Variants in GPC6 observed in about 807,000 individuals in gnomAD.
GPC6 encodes glypican 6, also known as glypican-6.
GPC6 carries 14 observed loss-of-function variants against 55.2 expected under a neutral mutation model. The ratio of observed to expected loss-of-function variants is 0.25; its 90% confidence interval spans 0.17 to 0.40. The LOEUF is 0.40. GPC6 is among the 10% of genes least tolerant of loss of function. GPC6 has a pLI of 1.00. For synonymous variants in GPC6, 278 were observed against 259.6 expected (o/e 1.07, Z -0.68); for missense variants, 641 against 708.5 (o/e 0.90, Z 1.08).
chr13:93,585,249 G>A (rs1413433712), intron 2 of GPC6, among the ~76,000 whole-genome samples: 1 of 152,020 alleles, frequency 6.6e-6, no homozygotes, highest in African/African-American at 2.4e-5. Context: ...CTCCTTTTAT[G>A]AAAAACAATC....
intron 2 of GPC6, among the ~76,000 whole-genome samples, chr13:93,586,420 A>G (rs1358838640): frequency 6.6e-6 from 1 of 152,144 alleles, no homozygotes; most frequent in East Asian, 1.9e-4. Flanking sequence ...CAATGAACAT[A>G]CACATGTGGA....
intron 2 of GPC6, among the ~76,000 whole-genome samples, chr13:93,545,740 T>G (rs1209826210): frequency 6.6e-6 from 1 of 152,226 alleles, no homozygotes; most frequent in East Asian, 1.9e-4. Flanking sequence ...GCAGCTTGTC[T>G]AGTTTTCATA....
At chr13:93,240,529 C>G (rs1446993914) in intron 1 of GPC6, among the ~76,000 whole-genome samples, 1 of 151,968 alleles carries the variant, frequency 6.6e-6, no homozygotes, top group Non-Finnish European at 1.5e-5. Context: ...CTATAAGAAT[C>G]TTTACAAGTT....
chr13:93,459,350 G>A (rs1369988810), intron 1 of GPC6, among the ~76,000 whole-genome samples: 3 of 152,232 alleles, frequency 2.0e-5, no homozygotes, highest in Admixed American at 6.5e-5. Flanking sequence ...ATAGGCGTGA[G>A]CCAACATGTC....
At chr13:94,110,421 A>G (rs1886203860) in intron 4 of GPC6, among the ~76,000 whole-genome samples, 1 of 152,070 alleles carries the variant, frequency 6.6e-6, no homozygotes, top group Non-Finnish European at 1.5e-5. Context: ...AGTGAAGTAG[A>G]GTAGAGGGTG....
chr13:93,977,603 T>C (rs1212711287), intron 3 of GPC6, among the ~76,000 whole-genome samples: 2 of 151,678 alleles, frequency 1.3e-5, no homozygotes, highest in African/African-American at 4.8e-5. Flanking sequence ...AGAGAGCCAA[T>C]ACATGATATT....
chr13:93,810,638 C>CT (rs1385452728), intron 2 of GPC6, among the ~76,000 whole-genome samples: 1 of 152,142 alleles, frequency 6.6e-6, no homozygotes, highest in Non-Finnish European at 1.5e-5. Context: ...TTAAAGAATT[C>CT]TGATAGATCT....
chr13:94,295,330 C>G (rs563146516), intron 5 of GPC6, among the ~76,000 whole-genome samples: 29 of 152,132 alleles, frequency 1.9e-4, no homozygotes, highest in Non-Finnish European at 2.2e-4. Context: ...AAAGGCTAAG[C>G]ATTTTAATTG....
intron 2 of GPC6, among the ~76,000 whole-genome samples, chr13:93,601,522 C>G (rs1878015954): frequency 6.6e-6 from 1 of 152,168 alleles, no homozygotes; most frequent in Non-Finnish European, 1.5e-5. Flanking sequence ...ACAGGAAAAG[C>G]ATTCAGTTAT....
intron 3 of GPC6, among the ~76,000 whole-genome samples, chr13:93,928,459 C>A (rs1877973634): frequency 6.6e-6 from 1 of 151,920 alleles, no homozygotes. Context: ...ACAATATTGA[C>A]AAAGGTGCAG....
chr13:94,064,795 C>A (rs1043422155), intron 4 of GPC6, among the ~76,000 whole-genome samples: 1 of 152,158 alleles, frequency 6.6e-6, no homozygotes, highest in Non-Finnish European at 1.5e-5. Flanking sequence ...ATCCCTGACA[C>A]AAACCAAATT....
intron 3 of GPC6, among the ~76,000 whole-genome samples, chr13:93,931,202 A>G (rs993428311): frequency 1.3e-5 from 2 of 152,088 alleles, no homozygotes; most frequent in African/African-American, 4.8e-5. Flanking sequence ...ACCATCTATG[A>G]GGTAAAACAT....
chr13:93,577,744 T>C (rs1001449771), intron 2 of GPC6, among the ~76,000 whole-genome samples: 5 of 152,018 alleles, frequency 3.3e-5, no homozygotes, highest in African/African-American at 1.2e-4. Context: ...CTTCCAATCT[T>C]ATGTTAAATA....
rs191750228 is a variant in GPC6, at chr13:94,163,336, A to T, written c.878-123013A>T. Among the ~76,000 whole-genome samples, 780 of 149,104 alleles carry T rather than the reference A, an allele frequency of 5.2e-3. 6 individuals are homozygous for T. The highest frequency in any genetic ancestry group is 0.019 in the African/African-American group (759 of 40,606). On this transcript the variant is annotated intron_variant, in intron 4 of 8. Transcript: ENST00000377047. ...CATCTCCATCCCCCTACTTCCTTCCACCTCCACCTCCCTTGACTCCCTGTA... is the reference window on the plus strand; with the variant it reads ...CATCTCCATCCCCCTACTTCCTTCCTCCTCCACCTCCCTTGACTCCCTGTA...
intron 2 of GPC6, among the ~76,000 whole-genome samples, chr13:93,718,718 C>T (rs985876630): frequency 6.6e-6 from 1 of 152,038 alleles, no homozygotes; most frequent in African/African-American, 2.4e-5. Flanking sequence ...AGGTTTTCTT[C>T]TAGGATTTTT....
At position 93,256,187 on chromosome 13, in the gene GPC6, A is replaced by G. The variant is rs1275714933; in HGVS notation, c.160+28571A>G. 2.6e-5 allele frequency among the ~76,000 whole-genome samples: 4 copies of G among 151,932 alleles called. No homozygotes were observed. The East Asian group carries it at 5.8e-4, about 22-fold the overall frequency. ...TCCATCTCAAAAAAAAAAAAAAAAA[A>G]AAGATCTAATACATGAAACCTAATT... On this transcript the variant is annotated intron_variant, in intron 1 of 8. Transcript: ENST00000377047.
At chr13:94,038,061 A>C (rs1455011244) in intron 4 of GPC6, among the ~76,000 whole-genome samples, 3 of 151,896 alleles carry the variant, frequency 2.0e-5, no homozygotes, top group African/African-American at 7.2e-5. Flanking sequence ...TTAGAAACTA[A>C]ATTTTTTATT....
In GPC6 at chr13:93,227,768, G is replaced by C. The variant is rs1054074605; in HGVS notation, c.160+152G>C. 2 of 646,178 alleles carry C rather than the reference G, an allele frequency of 3.1e-6. No individual in the cohort carries two copies. Among genetic ancestry groups the C allele is most frequent in the Middle Eastern group, 4.2e-4 (1 of 2,364 alleles). 40.0% of individuals were successfully genotyped at this position (646,178 alleles called of 1,614,324 possible). ...ACTCCGCGTCTCCGTGTTGGGCGGCGGATGCTCCTGCGGCTTCTTCGGCGG... is the reference window on the plus strand; with the variant it reads ...ACTCCGCGTCTCCGTGTTGGGCGGCCGATGCTCCTGCGGCTTCTTCGGCGG... On this transcript the variant is annotated intron_variant, in intron 1 of 8. Coordinates refer to ENST00000377047, the MANE Select transcript of GPC6 (RefSeq NM_005708.5). The surrounding 1 kb of genome is among the most constrained non-coding windows in gnomAD (Gnocchi z 4.3).
chr13:93,881,932 T>C lies in GPC6; in HGVS notation c.711+51387T>C, dbSNP rs546610893. On this transcript the variant is annotated intron_variant, in intron 3 of 8. Coordinates refer to ENST00000377047, the MANE Select transcript of GPC6 (RefSeq NM_005708.5). ...TTTCAGAATTGTTAACTTGTGACTCTGTAAGGAAAAAATTAACCGAGGAGA... is the reference window on the plus strand; with the variant it reads ...TTTCAGAATTGTTAACTTGTGACTCCGTAAGGAAAAAATTAACCGAGGAGA... 3.3e-5 allele frequency among the ~76,000 whole-genome samples: 5 copies of C among 152,174 alleles called. No homozygotes were observed. In the South Asian group the frequency reaches 8.3e-4, roughly 25 times the overall value.
Sources: gnomAD v4.1 joint callset for allele counts (sites outside exome capture counted in the v4.1 genomes callset) on GRCh38, gnomAD v4.1.1 for gene constraint, Gnocchi (gnomAD v3.1) non-coding constraint, MANE v1.5 for transcripts, NCBI Gene and HGNC (gene_info 2026-07-23, HGNC 2026-07-21) for gene names.